The following ROBO2 variants were observed in gnomAD, a reference collection of about 807,000 sequenced individuals.
ROBO2 encodes roundabout homolog 2.
In ROBO2, 53 loss-of-function variants were observed where a neutral mutation model predicts 160.8. The observed-to-expected ratio is 0.33, with a 90% confidence interval of 0.26 to 0.41. The LOEUF (loss-of-function observed/expected upper bound fraction) is 0.41. ROBO2 is among the 10% of genes least tolerant of loss of function. ROBO2 has a pLI of 1.00. For synonymous variants in ROBO2, 664 were observed against 611.7 expected, an observed-to-expected ratio of 1.09 and a Z score of -1.26; for missense variants, 1,577 against 1,722.4, an observed-to-expected ratio of 0.92 and a Z score of 1.49.
intron 2 of ROBO2, among the ~76,000 whole-genome samples, chr3:77,457,344 A>C (rs1360512284): frequency 1.3e-5 from 2 of 152,168 alleles, no homozygotes; most frequent in Non-Finnish European, 2.9e-5. Flanking sequence ...TTAACCAGCA[A>C]TAGCTATATA....
chr3:76,870,600 T>C (rs1236948230), intron 2 of ROBO2, among the ~76,000 whole-genome samples: 2 of 152,218 alleles, frequency 1.3e-5, no homozygotes, highest in African/African-American at 4.8e-5. Context: ...ATTATGTTCA[T>C]GCATTATGGT....
intron 2 of ROBO2, among the ~76,000 whole-genome samples, chr3:76,193,836 T>C (rs1702122088): frequency 1.3e-5 from 2 of 152,182 alleles, no homozygotes; most frequent in African/African-American, 2.4e-5. Context: ...TTTGAAACTC[T>C]GGCCAGACTA....
intron 6 of ROBO2, among the ~76,000 whole-genome samples, chr3:77,524,771 A>G (rs2090967128): frequency 6.6e-6 from 1 of 150,680 alleles, no homozygotes; most frequent in Non-Finnish European, 1.5e-5. Flanking sequence ...AATAGAGAGC[A>G]TTGTTTGTTT....
At chr3:76,626,138 C>T (rs1388073050) in intron 2 of ROBO2, among the ~76,000 whole-genome samples, 1 of 152,102 alleles carries the variant, frequency 6.6e-6, no homozygotes, top group Non-Finnish European at 1.5e-5. Flanking sequence ...GTTTTTGTTT[C>T]AGCAACTGAA....
chr3:76,705,301 T>C (rs2093137285), intron 2 of ROBO2, among the ~76,000 whole-genome samples: 2 of 152,184 alleles, frequency 1.3e-5, no homozygotes, highest in Non-Finnish European at 2.9e-5. Context: ...CAATGTATAG[T>C]AATACAATAT....
intron 2 of ROBO2, among the ~76,000 whole-genome samples, chr3:76,497,543 A>G (rs1472840602): frequency 1.3e-5 from 2 of 152,122 alleles, no homozygotes; most frequent in African/African-American, 4.8e-5. Context: ...ACCTAAAATA[A>G]TATCTCTTGT....
chr3:76,507,850 G>T (rs2080872542), intron 2 of ROBO2, among the ~76,000 whole-genome samples: 1 of 152,038 alleles, frequency 6.6e-6, no homozygotes, highest in African/African-American at 2.4e-5. Context: ...CTAGTTTTAG[G>T]AAAACAACTC....
At chr3:77,288,632 G>A (rs2060786663) in intron 2 of ROBO2, among the ~76,000 whole-genome samples, 2 of 150,970 alleles carry the variant, frequency 1.3e-5, no homozygotes, top group Admixed American at 6.6e-5. Context: ...TTCCAACATG[G>A]CAGATTTTTT....
intron 24 of ROBO2, among the ~76,000 whole-genome samples, chr3:77,644,290 T>A (rs1451178541): frequency 1.3e-5 from 2 of 152,172 alleles, no homozygotes; most frequent in Non-Finnish European, 2.9e-5. Flanking sequence ...TGAGAAAATG[T>A]TGCCATAATT....
In ROBO2 at chr3:76,335,301, C is replaced by T. The variant is rs928847592; in HGVS notation, c.109+397699C>T. Among the ~76,000 whole-genome samples, 7 of 150,066 alleles carry T rather than the reference C, an allele frequency of 4.7e-5. No individual in the cohort carries two copies. In the East Asian group the frequency reaches 8.1e-4, roughly 17 times the overall value. ...GTCCAAGCAATTCTCCTGCCTCAGC[C>T]TCCCAAGTAGCTGGGATTACAGGTG... is the stretch of plus-strand genomic sequence containing the variant. On this transcript the variant is annotated intron_variant, in intron 2 of 26. Coordinates refer to the ROBO2 transcript ENST00000487694.
intron 2 of ROBO2, among the ~76,000 whole-genome samples, chr3:76,788,983 A>G (rs765130851): frequency 5.3e-5 from 8 of 151,654 alleles, no homozygotes; most frequent in Non-Finnish European, 8.9e-5. Flanking sequence ...CAGCTGCTAT[A>G]TAGCAAGAAA....
At chr3:76,736,110 C>T (rs267144) in intron 2 of ROBO2, among the ~76,000 whole-genome samples, 3 of 150,948 alleles carry the variant, frequency 2.0e-5, no homozygotes, top group Non-Finnish European at 3.0e-5. Flanking sequence ...GGTGAAACCC[C>T]GTCTCTACTA....
intron 1 of ROBO2, among the ~76,000 whole-genome samples, chr3:77,062,585 G>A (rs1300920577): frequency 6.6e-6 from 1 of 152,098 alleles, no homozygotes; most frequent in Non-Finnish European, 1.5e-5. Flanking sequence ...TTGTGTGGTA[G>A]CCTTTAGGTC....
At chr3:77,406,459 A>G (rs1056486585) in intron 2 of ROBO2, among the ~76,000 whole-genome samples, 2 of 152,186 alleles carry the variant, frequency 1.3e-5, no homozygotes, top group Non-Finnish European at 2.9e-5. Context: ...TAATGGATCA[A>G]TTATTTTTTT....
At chr3:76,911,151 T>G (rs1213960086) in intron 2 of ROBO2, among the ~76,000 whole-genome samples, 1 of 152,168 alleles carries the variant, frequency 6.6e-6, no homozygotes, top group Non-Finnish European at 1.5e-5. Flanking sequence ...GTAATTTCAT[T>G]TTCAGGATGA....
intron 21 of ROBO2, among the ~76,000 whole-genome samples, chr3:77,613,819 C>G (rs139618363): frequency 1.4e-3 from 217 of 152,204 alleles, no homozygotes; most frequent in Non-Finnish European, 2.0e-3. Context: ...TCAAGAGTTA[C>G]AGAAACCAGC....
intron 2 of ROBO2, among the ~76,000 whole-genome samples, chr3:76,990,615 A>T (rs143663918): frequency 9.9e-5 from 15 of 152,252 alleles, no homozygotes; most frequent in Admixed American, 6.5e-4. Context: ...AATGTTAGGG[A>T]CCATCAGGTG....
At chr3:77,556,966 G>A (rs2093144801) in intron 8 of ROBO2, among the ~76,000 whole-genome samples, 1 of 151,640 alleles carries the variant, frequency 6.6e-6, no homozygotes, top group Non-Finnish European at 1.5e-5. Flanking sequence ...TTGATTATAT[G>A]GTGATCTTCT....
intron 2 of ROBO2, among the ~76,000 whole-genome samples, chr3:76,766,785 A>C (rs938658498): frequency 5.3e-5 from 8 of 151,546 alleles, no homozygotes; most frequent in African/African-American, 1.9e-4. Context: ...GATTTACCAT[A>C]AATCACTGTT....
Sources: allele counts gnomAD v4.1 joint callset (sites outside exome capture counted in the v4.1 genomes callset), GRCh38; gene constraint gnomAD v4.1.1; transcripts MANE v1.5; gene names NCBI Gene and HGNC (gene_info 2026-07-23, HGNC 2026-07-21).